XKR6: variants seen among roughly 807,000 people sequenced by gnomAD.
The protein encoded by XKR6 is XK-related protein 6.
Under a neutral mutation model 56.7 loss-of-function variants are expected in XKR6, and 22 were observed. The observed-to-expected ratio is 0.39, with a 90% CI of 0.28 to 0.55. The LOEUF (loss-of-function observed/expected upper bound fraction) is 0.55, where lower values mean the gene tolerates loss of function less well. XKR6 is among the 20% of genes least tolerant of loss of function. The pLI, the probability that XKR6 is intolerant of heterozygous loss-of-function variation, is 0.66. For missense variants in XKR6, 852 were observed against 889.0 expected, an observed-to-expected ratio of 0.96 and a Z score of 0.53; for synonymous variants, 524 against 387.8, an observed-to-expected ratio of 1.35 and a Z score of -4.13.
At chr8:10,972,215 C>G (rs528566937) in intron 1 of XKR6, among the ~76,000 whole-genome samples, 1 of 152,152 alleles carries the variant, frequency 6.6e-6, no homozygotes, top group Non-Finnish European at 1.5e-5. Context: ...TTTTGATTAT[C>G]AGCCCAGCCT....
At chr8:11,047,739 C>G (rs549207081) in intron 1 of XKR6, among the ~76,000 whole-genome samples, 1 of 152,222 alleles carries the variant, frequency 6.6e-6, no homozygotes, top group Non-Finnish European at 1.5e-5. Context: ...CTTAATGCCA[C>G]CAAACGATAC....
intron 1 of XKR6, among the ~76,000 whole-genome samples, chr8:11,139,473 C>G (rs1800572054): frequency 6.6e-6 from 1 of 152,118 alleles, no homozygotes; most frequent in Non-Finnish European, 1.5e-5. Flanking sequence ...AGACCCATTT[C>G]TTGCCAGCAG....
chr8:11,161,857 A>C (rs189327407), intron 1 of XKR6, among the ~76,000 whole-genome samples: 1 of 152,318 alleles, frequency 6.6e-6, no homozygotes, highest in Admixed American at 6.5e-5. Context: ...TCACTGAAAA[A>C]GACGGAAATG....
chr8:10,951,300 G>GTGTGTGTGTGTGTGTGTGTGTGTGT (rs988183717), intron 1 of XKR6, among the ~76,000 whole-genome samples: 32 of 122,334 alleles, frequency 2.6e-4, no homozygotes, highest in African/African-American at 1.3e-3. Context: ...TGTGTGTGTG[G>GTGTGTGTGTGTGTGTGTGTGTGTGT]GGGGGGGGGG....
At chr8:11,138,652 G>GT (rs1244030071) in intron 1 of XKR6, 1 of 152,054 alleles carries the variant, frequency 6.6e-6, no homozygotes, top group East Asian at 1.9e-4. Context: ...GGTTGCATCA[G>GT]TTTTTTTAAA....
intron 1 of XKR6, chr8:11,137,869 A>G (rs1000143998): frequency 5.5e-5 from 20 of 361,652 alleles, no homozygotes; most frequent in Admixed American, 5.3e-4. Context: ...AAAAAGACTG[A>G]TATATTAAAT....
intron 1 of XKR6, among the ~76,000 whole-genome samples, chr8:11,199,863 C>T (rs759399963): frequency 5.3e-5 from 8 of 152,060 alleles, no homozygotes; most frequent in Non-Finnish European, 1.0e-4. Context: ...ATCCAGGTGG[C>T]TTTAACTGAT....
At chr8:11,198,189 C>T (rs1235538908) in intron 1 of XKR6, among the ~76,000 whole-genome samples, 1 of 152,158 alleles carries the variant, frequency 6.6e-6, no homozygotes, top group Non-Finnish European at 1.5e-5. Flanking sequence ...ACAAGAATTC[C>T]TCTAAAGCTT....
chr8:11,062,670 A>G (rs1422312854), intron 1 of XKR6: 1 of 448,342 alleles, frequency 2.2e-6, no homozygotes, highest in East Asian at 7.0e-5. Flanking sequence ...ATTACTCTTT[A>G]ATGTGATCTG....
intron 2 of XKR6, among the ~76,000 whole-genome samples, chr8:10,913,125 T>G (rs573311511): frequency 6.6e-6 from 1 of 151,712 alleles, no homozygotes; most frequent in South Asian, 2.1e-4. Flanking sequence ...AGGGTGTGTA[T>G]GTATGTCATC....
Position 10,898,218 on chromosome 8 carries a change from G to C in XKR6, c.1660C>G (p.Leu554Val), listed in dbSNP as rs963703142. 3 of 1,614,056 alleles carry C rather than the reference G, an allele frequency of 1.9e-6. No individual in the cohort carries two copies. The highest frequency in any genetic ancestry group is 1.6e-4 in the Middle Eastern group (1 of 6,084). ...ACAGGCAAGCAAGTGTCAGCCGTGAGATCCTCCTGTTGTTCCGTTACGGCT... is the reference window on the plus strand; with the variant it reads ...ACAGGCAAGCAAGTGTCAGCCGTGACATCCTCCTGTTGTTCCGTTACGGCT... ...TRAVTEQQED[L>V]TADTCLPVFQ... The change falls in exon 3 of 3, where the codon CTC becomes GTC. Residue 554 changes from leucine to valine, a missense_variant. Leu to Val is a conservative substitution (Grantham distance 32). Around this residue, in one of 4 missense-constraint regions of XKR6, gnomAD observed 197 missense variants for 190.9 expected, o/e 1.03. Transcript: ENST00000416569. This position sits in a 1 kb window ranked among gnomAD's most constrained non-coding sequence, Gnocchi z 6.6.
chr8:11,143,124 T>A (rs1800787259), intron 1 of XKR6, among the ~76,000 whole-genome samples: 1 of 152,154 alleles, frequency 6.6e-6, no homozygotes, highest in South Asian at 2.1e-4. Context: ...AATACCACCA[T>A]TTTACAATCC....
intron 1 of XKR6, among the ~76,000 whole-genome samples, chr8:11,120,373 G>C (rs977869870): frequency 6.6e-5 from 10 of 152,128 alleles, no homozygotes; most frequent in Non-Finnish European, 1.3e-4. Context: ...AAAATCACAA[G>C]CATTCTTATA....
At chr8:11,178,983 C>T (rs1371440459) in intron 1 of XKR6, among the ~76,000 whole-genome samples, 1 of 150,672 alleles carries the variant, frequency 6.6e-6, no homozygotes, top group Non-Finnish European at 1.5e-5. Context: ...GCTAGAACTA[C>T]AGGCATACAC....
intron 1 of XKR6, chr8:11,195,273 T>TATGTTTACA (rs1242889137): frequency 1.5e-6 from 1 of 676,702 alleles, no homozygotes; most frequent in Non-Finnish European, 2.7e-6. Flanking sequence ...TTTAACATTT[T>TATGTTTACA]ATGTTTACAC....
chr8:11,047,668 G>C (rs1197230740), intron 1 of XKR6, among the ~76,000 whole-genome samples: 1 of 152,224 alleles, frequency 6.6e-6, no homozygotes, highest in Admixed American at 6.5e-5. Context: ...GCTTCAGTTT[G>C]GGAAGATGCA....
chr8:11,034,001 C>A (rs1480476454), intron 1 of XKR6, among the ~76,000 whole-genome samples: 2 of 152,206 alleles, frequency 1.3e-5, no homozygotes, highest in African/African-American at 2.4e-5. Flanking sequence ...CAAGAGCAGT[C>A]CCTTGTTGCT....
chr8:11,128,021 T>C (rs1799914883), intron 1 of XKR6, among the ~76,000 whole-genome samples: 1 of 152,208 alleles, frequency 6.6e-6, no homozygotes. Flanking sequence ...CGACATGCAT[T>C]TGATTTATCA....
At chr8:10,926,168 G>C (rs568341999) in intron 1 of XKR6, among the ~76,000 whole-genome samples, 1 of 152,274 alleles carries the variant, frequency 6.6e-6, no homozygotes, top group Non-Finnish European at 1.5e-5. Context: ...GTATTACCAA[G>C]AACACACTCA....
Sources: allele counts gnomAD v4.1 joint callset (sites outside exome capture counted in the v4.1 genomes callset), GRCh38; gene constraint gnomAD v4.1.1; regional missense constraint gnomAD v4.1.1; non-coding constraint Gnocchi (gnomAD v3.1); transcripts MANE v1.5; gene names NCBI Gene and HGNC (gene_info 2026-07-23, HGNC 2026-07-21).